Variants in NPSR1 observed in about 807,000 individuals in gnomAD.
The protein encoded by NPSR1 is neuropeptide S receptor.
Under a neutral mutation model 46.9 loss-of-function variants are expected in NPSR1, and 48 were observed. That is an observed-to-expected ratio of 1.02 (90% CI 0.81 to 1.30). The LOEUF (loss-of-function observed/expected upper bound fraction) is 1.30. Ranked by LOEUF, NPSR1 falls within the 50% of genes most tolerant of loss-of-function variation. The probability of loss-of-function intolerance (pLI) is 0.00; values close to 1 mark genes in which losing one functional copy is unlikely to be tolerated. For missense variants in NPSR1, 450 were observed against 449.5 expected (o/e 1.00, Z -0.01); for synonymous variants, 176 against 168.1 (o/e 1.05, Z -0.36).
intron 3 of NPSR1, among the ~76,000 whole-genome samples, chr7:34,785,225 T>C (rs888104682): frequency 1.3e-5 from 2 of 151,866 alleles, no homozygotes; most frequent in Non-Finnish European, 2.9e-5. Context: ...GTTCATGTCC[T>C]TTGTAGGGAC....
At chr7:34,779,197 A>G (rs1250302366) in intron 3 of NPSR1, among the ~76,000 whole-genome samples, 1 of 151,968 alleles carries the variant, frequency 6.6e-6, no homozygotes, top group Non-Finnish European at 1.5e-5. Flanking sequence ...GATTTAAAAT[A>G]TTACATATAT....
intron 1 of NPSR1, among the ~76,000 whole-genome samples, chr7:34,678,554 C>T (rs979458377): frequency 5.3e-5 from 8 of 152,210 alleles, no homozygotes; most frequent in Middle Eastern, 3.4e-3. Context: ...TGGCCGGGCG[C>T]GGTGGCTCAC....
downstream of NPSR1, chr7:34,850,000 G>T: frequency 9.6e-7 from 1 of 1,043,446 alleles, no homozygotes; most frequent in Non-Finnish European, 1.2e-6. Context: ...GGGGACAAAG[G>T]TAGCTGGGTT....
chr7:34,736,429 C>T (rs1784665711), intron 2 of NPSR1, among the ~76,000 whole-genome samples: 1 of 151,744 alleles, frequency 6.6e-6, no homozygotes, highest in East Asian at 1.9e-4. Context: ...ACATCCTCAA[C>T]TTCCTTCACC....
chr7:34,792,709 A>ATATT (rs1467139564), intron 3 of NPSR1, among the ~76,000 whole-genome samples: 3 of 126,516 alleles, frequency 2.4e-5, no homozygotes, highest in African/African-American at 9.4e-5. Context: ...ACGTATATAT[A>ATATT]TATATTTATA....
chr7:34,798,847 G>C (rs1412429926), intron 3 of NPSR1, among the ~76,000 whole-genome samples: 1 of 152,142 alleles, frequency 6.6e-6, no homozygotes, highest in Non-Finnish European at 1.5e-5. Context: ...ACTGTTTGGA[G>C]ATTGAACAAC....
intron 5 of NPSR1, among the ~76,000 whole-genome samples, chr7:34,829,005 A>G (rs779201642): frequency 6.6e-5 from 10 of 152,218 alleles, no homozygotes; most frequent in Non-Finnish European, 1.3e-4. Context: ...CATTGTTTTA[A>G]TATGCATTTC....
chr7:34,802,439 A>G lies in NPSR1; in HGVS notation c.385-9331A>G, dbSNP rs956527972. ...TATCTACAACTATCTGATCTTTGACAAACCTGAGAAAAACAAGCAATGGGG... is the reference window on the plus strand; with the variant it reads ...TATCTACAACTATCTGATCTTTGACGAACCTGAGAAAAACAAGCAATGGGG... On this transcript the variant is annotated intron_variant, in intron 3 of 8. Transcript: ENST00000360581. 3.3e-5 allele frequency among the ~76,000 whole-genome samples: 5 copies of G among 150,208 alleles called. 1 individual carries two copies. The highest frequency in any genetic ancestry group is 1.3e-4 in the African/African-American group (5 of 39,566).
chr7:34,842,386 T>C (rs556264297), intron 6 of NPSR1, among the ~76,000 whole-genome samples: 1 of 152,330 alleles, frequency 6.6e-6, no homozygotes, highest in East Asian at 1.9e-4. Context: ...GATAATTCTT[T>C]GTTGTGGAGG....
rs1483507720 is a variant in NPSR1, at chr7:34,658,475, T to C, written c.63T>C (p.Ser21=). The change falls in exon 1 of 9, where the codon TCT becomes TCC. Residue 21 remains serine (S), a synonymous_variant. Coordinates refer to ENST00000360581, the MANE Select transcript of NPSR1 (RefSeq NM_207172.2). ...DSSGTGQTLD[S]SPVACTETVT... ...GTGGGACCGGGCAGACGCTGGATTC[T>C]TCCCCAGTGGCTTGCACTGAAACAG... 2.5e-6 allele frequency: 4 copies of C among 1,614,178 alleles called. No homozygotes were observed. Among genetic ancestry groups the C allele is most frequent in the South Asian group, 1.1e-5 (1 of 91,088 alleles).
At chr7:34,825,387 G>C (rs768248404) in intron 4 of NPSR1, among the ~76,000 whole-genome samples, 1 of 152,194 alleles carries the variant, frequency 6.6e-6, no homozygotes, top group Non-Finnish European at 1.5e-5. Flanking sequence ...TAGTGAGAGG[G>C]CTTCACATGA....
chr7:34,854,652 C>CA (rs1279985554), downstream of NPSR1, among the ~76,000 whole-genome samples: 4 of 152,036 alleles, frequency 2.6e-5, no homozygotes, highest in Non-Finnish European at 5.9e-5. Flanking sequence ...AACATGGCCT[C>CA]AAAATATATA....
chr7:34,817,923 T>G (rs948836710), intron 4 of NPSR1, among the ~76,000 whole-genome samples: 1 of 152,170 alleles, frequency 6.6e-6, no homozygotes, highest in Non-Finnish European at 1.5e-5. Context: ...TATCTCAAAA[T>G]AATAAGAGCT....
Position 34,845,003 on chromosome 7 carries a change from A to G in NPSR1, c.844+21A>G, listed in dbSNP as rs1335881634. The G allele has an allele frequency of 2.6e-6, 4 of 1,559,320 alleles. No individual in the cohort carries two copies. The Admixed American group carries it at 6.7e-5, about 26-fold the overall frequency. On this transcript the variant is annotated intron_variant, in intron 7 of 8. Coordinates refer to ENST00000360581, the MANE Select transcript of NPSR1 (RefSeq NM_207172.2). ...TCTTGGTAAGCAATGTCCCTCCTTGAGCTGTAAAGTGGTATGAACGTCCCA... is the reference window on the plus strand; with the variant it reads ...TCTTGGTAAGCAATGTCCCTCCTTGGGCTGTAAAGTGGTATGAACGTCCCA...
intron 2 of NPSR1, among the ~76,000 whole-genome samples, 156 bp downstream of exon 2, chr7:34,684,840 C>T (rs1195369631): frequency 6.6e-6 from 1 of 152,026 alleles, no homozygotes; most frequent in Non-Finnish European, 1.5e-5. Context: ...TGAATATTTC[C>T]TCTGGCATAC....
intron 8 of NPSR1, among the ~76,000 whole-genome samples, chr7:34,867,380 C>T (rs1791337263): frequency 6.6e-6 from 1 of 151,850 alleles, no homozygotes; most frequent in Non-Finnish European, 1.5e-5. Flanking sequence ...CTCTCACTTG[C>T]TGCCTCTCAT....
chr7:34,779,353 T>C (rs541486746), intron 3 of NPSR1, among the ~76,000 whole-genome samples: 34 of 152,084 alleles, frequency 2.2e-4, no homozygotes, highest in Middle Eastern at 3.4e-3. Flanking sequence ...TAAGATTATT[T>C]TTTATTAATA....
rs1790694299 is a variant in NPSR1 at position 34,844,980 on chromosome 7, T to C, written c.842T>C (p.Leu281Pro). 2 of 1,608,152 alleles carry C rather than the reference T, an allele frequency of 1.2e-6. No homozygotes were observed. Among genetic ancestry groups the C allele is most frequent in the Admixed American group, 1.7e-5 (1 of 59,994 alleles). ...ATCAAGTATAGCATCATCATCATTC[T>C]TGGTAAGCAATGTCCCTCCTTGAGC... ...KAIKYSIIII[L>P]AFICCWSPYF... is the part of the protein sequence containing the mutation. Residue 281 changes from leucine to proline, a missense_variant and splice_region_variant, in exon 7 of 9, where the codon CTT (leucine) becomes CCT (proline). Physicochemically the swap from Leu to Pro is moderately conservative, Grantham distance 98. Coordinates refer to ENST00000360581, the MANE Select transcript of NPSR1 (RefSeq NM_207172.2).
chr7:34,776,908 C>T (rs540046569), intron 2 of NPSR1, among the ~76,000 whole-genome samples: 1 of 152,316 alleles, frequency 6.6e-6, no homozygotes. Flanking sequence ...CTAGTGCCCT[C>T]TCCTGTTGTG....
Sources: gnomAD v4.1 joint callset for allele counts (sites outside exome capture counted in the v4.1 genomes callset) on GRCh38, gnomAD v4.1.1 for gene constraint, MANE v1.5 for transcripts, NCBI Gene and HGNC (gene_info 2026-07-23, HGNC 2026-07-21) for gene names.